Variants in CNGB3 observed in about 807,000 individuals in gnomAD.
The protein encoded by CNGB3 is cyclic nucleotide-gated channel beta-3.
In CNGB3, 86 loss-of-function variants were observed where a neutral mutation model predicts 92.8. The observed-to-expected ratio is 0.93, with a 90% CI of 0.78 to 1.11. CNGB3 has a LOEUF of 1.11. Ranked by LOEUF, CNGB3 falls within the 50% of genes least tolerant of loss-of-function variation. The pLI is 0.00. For missense variants in CNGB3, 1,026 were observed against 956.8 expected, an observed-to-expected ratio of 1.07 and a Z score of -0.95; for synonymous variants, 333 against 332.7, an observed-to-expected ratio of 1.00 and a Z score of -0.01.
Position 86,681,479 on chromosome 8 carries a change from ATCT to A in CNGB3, c.339-10384_339-10382del, listed in dbSNP as rs374747919. Among the ~76,000 whole-genome samples, 74 of 152,290 alleles carry A rather than the reference ATCT, an allele frequency of 4.9e-4. 4 individuals carry two copies. In the South Asian group the frequency reaches 5.0e-3, roughly 10 times the overall value. ...GGTAAGAAAAGCATATGGAGAATAGATCTAGAAGTTACAACACCTGTATAAATT... is the reference window on the plus strand; with the variant it reads ...GGTAAGAAAAGCATATGGAGAATAGAAGAAGTTACAACACCTGTATAAATT... On this transcript the variant is annotated intron_variant, in intron 3 of 17. Coordinates refer to ENST00000320005, the MANE Select transcript of CNGB3 (RefSeq NM_019098.5).
At chr8:86,647,572 T>C (rs921322140) in intron 8 of CNGB3, among the ~76,000 whole-genome samples, 3 of 151,000 alleles carry the variant, frequency 2.0e-5, no homozygotes, top group African/African-American at 2.4e-5. Flanking sequence ...ACATCTGTTA[T>C]GAGATATGAA....
intron 3 of CNGB3, 39 bp downstream of exon 3, chr8:86,726,492 T>A: frequency 8.7e-6 from 14 of 1,612,934 alleles, no homozygotes; most frequent in Non-Finnish European, 1.2e-5. Flanking sequence ...GGCTGAGCAA[T>A]ATCTCTAAAA....
intron 6 of CNGB3, among the ~76,000 whole-genome samples, chr8:86,664,284 C>T (rs572802134): frequency 7.9e-5 from 12 of 152,192 alleles, no homozygotes; most frequent in Non-Finnish European, 1.6e-4. Flanking sequence ...AAAGCTATTC[C>T]TTTCAGCTTT....
intron 6 of CNGB3, among the ~76,000 whole-genome samples, chr8:86,655,186 G>A (rs1049661898): frequency 6.6e-6 from 1 of 152,028 alleles, no homozygotes; most frequent in Admixed American, 6.6e-5. Flanking sequence ...TTTTCTCATG[G>A]CCATTCTCTG....
At chr8:86,670,568 A>ATTATTT (rs1823836904) in intron 4 of CNGB3, among the ~76,000 whole-genome samples, 1 of 151,780 alleles carries the variant, frequency 6.6e-6, no homozygotes, top group East Asian at 1.9e-4. Context: ...TAGTCCTCTT[A>ATTATTT]TTCTTTTTCT....
intron 7 of CNGB3, among the ~76,000 whole-genome samples, chr8:86,649,761 C>A (rs1321544070): frequency 2.0e-5 from 3 of 151,262 alleles, no homozygotes; most frequent in Non-Finnish European, 1.5e-5. Flanking sequence ...TGACTAAAGC[C>A]CCAAAAGCAA....
intron 6 of CNGB3, chr8:86,659,326 T>C: frequency 8.6e-7 from 1 of 1,168,332 alleles, no homozygotes; most frequent in Non-Finnish European, 1.3e-6. Context: ...TGCTCCTCCA[T>C]GGCCTGCTGT....
At chr8:86,737,538 C>T (rs1825268752) in intron 2 of CNGB3, among the ~76,000 whole-genome samples, 1 of 151,604 alleles carries the variant, frequency 6.6e-6, no homozygotes. Flanking sequence ...GTAGCATTTC[C>T]AAATTAAAGT....
At position 86,700,064 on chromosome 8, in the gene CNGB3, A is replaced by C. The variant is rs1386628649; in HGVS notation, c.338+26467T>G. Among the ~76,000 whole-genome samples, 59 of 152,296 alleles carry C rather than the reference A, an allele frequency of 3.9e-4. 1 individual carries two copies. The highest frequency in any genetic ancestry group is 1.2e-4 in the Non-Finnish European group (8 of 68,018). ...TGTTTGAGTAATACAAAGATGCTAA[A>C]TTGTTATAACTTTTTATTGCAACTT... On this transcript the variant is annotated intron_variant, in intron 3 of 17. Coordinates refer to ENST00000320005, the MANE Select transcript of CNGB3 (RefSeq NM_019098.5).
rs547918386 is a variant in CNGB3 at position 86,742,925 on chromosome 8, G to A, written c.129+574C>T. Among the ~76,000 whole-genome samples the A allele has an allele frequency of 8.5e-5, 13 of 152,238 alleles. No individual in the cohort carries two copies. The East Asian group carries it at 2.5e-3, about 29-fold the overall frequency. The stretch of plus-strand genomic sequence containing the variant: ...TCCACCTTGGCAGTATTAAAATTTT[G>A]TAGTGTATAATTCTACGTTGTGGAG... On this transcript the variant is annotated intron_variant, in intron 1 of 17. Coordinates refer to ENST00000320005, the MANE Select transcript of CNGB3 (RefSeq NM_019098.5).
intron 15 of CNGB3, among the ~76,000 whole-genome samples, chr8:86,592,220 A>G (rs1822061166): frequency 6.6e-6 from 1 of 152,144 alleles, no homozygotes; most frequent in Non-Finnish European, 1.5e-5. Flanking sequence ...GCGCGCACCC[A>G]CTGACCTGTG....
Position 86,659,743 on chromosome 8 carries a change from G to A in CNGB3, c.853-5681C>T, listed in dbSNP as rs1036251726. ...CTTCTCGGACATGAGGATCCCTATG[G>A]TCTGAATTTGAACCTGTAACCACTC... On this transcript the variant is annotated intron_variant, in intron 6 of 17. Transcript: ENST00000320005. The A allele has an allele frequency of 1.1e-5, 4 of 370,966 alleles. 1 individual carries two copies. The highest frequency in any genetic ancestry group is 8.6e-5 in the African/African-American group (4 of 46,648). 23.0% of individuals were successfully genotyped at this position (370,966 alleles called of 1,614,324 possible). A position where few individuals can be genotyped will look rare whatever the true frequency, so the allele number is the denominator to read the frequency against.
At chr8:86,619,898 T>C (rs1393155905) in intron 13 of CNGB3, among the ~76,000 whole-genome samples, 1 of 151,778 alleles carries the variant, frequency 6.6e-6, no homozygotes, top group East Asian at 1.9e-4. Context: ...AATTTTCTAT[T>C]ATTTGTAAAG....
At chr8:86,605,456 A>AT (rs1035453959) in intron 14 of CNGB3, among the ~76,000 whole-genome samples, 1 of 152,182 alleles carries the variant, frequency 6.6e-6, no homozygotes. Context: ...ACCTTGAGCT[A>AT]TAAAAAAAAA....
intron 10 of CNGB3, among the ~76,000 whole-genome samples, chr8:86,635,982 AT>A (rs1823064571): frequency 6.6e-6 from 1 of 150,894 alleles, no homozygotes; most frequent in Non-Finnish European, 1.5e-5. Flanking sequence ...ATAACATGCA[AT>A]TTCCCCCAAT....
chr8:86,700,545 C>A (rs527856852), intron 3 of CNGB3, among the ~76,000 whole-genome samples: 2 of 152,280 alleles, frequency 1.3e-5, no homozygotes, highest in African/African-American at 4.8e-5. Context: ...ACTTCCTTTT[C>A]TCCTCACATC....
chr8:86,644,524 T>C, intron 9 of CNGB3, 98 bp downstream of exon 9: 1 of 1,489,092 alleles, frequency 6.7e-7, no homozygotes, highest in Non-Finnish European at 9.1e-7. Flanking sequence ...ATTATATCCT[T>C]TTTTTGAAGA....
At position 86,671,913 on chromosome 8, in the gene CNGB3, C is replaced by T. The variant is rs141810610; in HGVS notation, c.339-815G>A. Among the ~76,000 whole-genome samples, 888 of 152,232 alleles carry T rather than the reference C, an allele frequency of 5.8e-3. 7 individuals carry two copies. The highest frequency in any genetic ancestry group is 0.017 in the African/African-American group (699 of 41,542). On this transcript the variant is annotated intron_variant, in intron 3 of 17. Transcript: ENST00000320005. Reference sequence around the variant, plus strand: ...CCTGAAGCCAAGAACCCGGTTGAGCCCACTCAGACTTCTGATTTGGACCCA... The same window carrying T: ...CCTGAAGCCAAGAACCCGGTTGAGCTCACTCAGACTTCTGATTTGGACCCA...
At chr8:86,608,503 T>A (rs1822454262) in intron 14 of CNGB3, among the ~76,000 whole-genome samples, 1 of 152,188 alleles carries the variant, frequency 6.6e-6, no homozygotes, top group African/African-American at 2.4e-5. Context: ...ACTCTGCTCC[T>A]CCACCTCTTG....
Sources: allele counts gnomAD v4.1 joint callset (sites outside exome capture counted in the v4.1 genomes callset), GRCh38; gene constraint gnomAD v4.1.1; transcripts MANE v1.5; gene names NCBI Gene and HGNC (gene_info 2026-07-23, HGNC 2026-07-21).